Variants in OSBPL9 observed in about 807,000 individuals in gnomAD.
OSBPL9 encodes the protein oxysterol-binding protein-related protein 9.
A neutral mutation model predicts 106.6 loss-of-function variants in OSBPL9; 40 were observed. The observed-to-expected ratio is 0.38, with a 90% confidence interval of 0.29 to 0.49. The LOEUF is 0.49. Among genes scored for constraint, OSBPL9 ranks in the 20% least tolerant of loss-of-function variants. The pLI, the probability that OSBPL9 is intolerant of heterozygous loss-of-function variation, is 0.97. For synonymous variants in OSBPL9, 269 were observed against 295.4 expected, an observed-to-expected ratio of 0.91 and a Z score of 0.92; for missense variants, 609 against 887.2, an observed-to-expected ratio of 0.69 and a Z score of 3.98.
the OSBPL9 span, among the ~76,000 whole-genome samples, chr1:51,542,294 C>T: frequency 1.3e-5 from 2 of 152,198 alleles, no homozygotes; most frequent in African/African-American, 4.8e-5. Context: ...AAAACTGAGG[C>T]TGGGAAGATA....
chr1:51,719,803 C>T (rs1176199115), intron 4 of OSBPL9, among the ~76,000 whole-genome samples: 1 of 152,086 alleles, frequency 6.6e-6, no homozygotes, highest in African/African-American at 2.4e-5. Flanking sequence ...AAGAAAATTT[C>T]AAGTTAAACA....
At chr1:51,594,195 G>A (rs754794371) in intron 1 of OSBPL9, among the ~76,000 whole-genome samples, 41 of 151,870 alleles carry the variant, frequency 2.7e-4, no homozygotes, top group Non-Finnish European at 1.0e-4. Context: ...TCAGGAGTTC[G>A]AGACAAACCT....
chr1:51,728,506 G>C (rs574228688), intron 4 of OSBPL9, among the ~76,000 whole-genome samples: 1 of 152,122 alleles, frequency 6.6e-6, no homozygotes, highest in Non-Finnish European at 1.5e-5. Context: ...TATGGTTTGC[G>C]TATTAGGGTG....
chr1:51,752,785 C>T (rs1283488753), intron 8 of OSBPL9: 1 of 279,524 alleles, frequency 3.6e-6, no homozygotes, highest in African/African-American at 2.2e-5. Flanking sequence ...TTTGGTTTCT[C>T]TTCTTACAAG....
rs1678423532 is a variant in OSBPL9 at position 51,789,183 on chromosome 1, A to G, written c.*1394A>G. ...GTATAACTAACTCCATAAAATACAA[A>G]CAAACACATTTTAAAATACACATTG... On this transcript the variant is annotated 3_prime_UTR_variant, in exon 24 of 24. Coordinates refer to ENST00000428468, the MANE Select transcript of OSBPL9 (RefSeq NM_024586.6). 6.5e-7 allele frequency: 1 copy of G among 1,538,504 alleles called. No homozygotes were observed.
At chr1:51,666,963 A>G (rs1311555094) in intron 2 of OSBPL9, among the ~76,000 whole-genome samples, 1 of 152,234 alleles carries the variant, frequency 6.6e-6, no homozygotes, top group Non-Finnish European at 1.5e-5. Context: ...TTGTTACCAA[A>G]CAAGAAACGA....
At chr1:51,786,226 A>G (rs1677590865) in intron 21 of OSBPL9, 1 of 448,578 alleles carries the variant, frequency 2.2e-6, no homozygotes, top group East Asian at 4.3e-5. Flanking sequence ...ATGAAGCACT[A>G]AACTGTGTGT....
intron 2 of OSBPL9, among the ~76,000 whole-genome samples, chr1:51,660,882 A>C (rs1275886418): frequency 1.3e-5 from 2 of 152,150 alleles, no homozygotes; most frequent in East Asian, 3.8e-4. Flanking sequence ...GTAATTAGTG[A>C]ATATTGTTTA....
chr1:51,763,554 G>A (rs1191419770), intron 11 of OSBPL9, among the ~76,000 whole-genome samples: 1 of 151,962 alleles, frequency 6.6e-6, no homozygotes, highest in Non-Finnish European at 1.5e-5. Context: ...TTTTTTTCCC[G>A]GGTAGGATTT....
the OSBPL9 span, among the ~76,000 whole-genome samples, chr1:51,530,476 G>T: frequency 6.6e-6 from 1 of 152,004 alleles, no homozygotes; most frequent in African/African-American, 2.4e-5. Context: ...AATAAACCAG[G>T]CATGGTGGCT....
At chr1:51,559,691 A>C in the OSBPL9 span, among the ~76,000 whole-genome samples, 1 of 152,216 alleles carries the variant, frequency 6.6e-6, no homozygotes, top group African/African-American at 2.4e-5. Context: ...TTAGTGTCAA[A>C]TACTTTTAAT....
At chr1:51,756,068 C>G (rs555653900) in intron 8 of OSBPL9, among the ~76,000 whole-genome samples, 63 of 152,280 alleles carry the variant, frequency 4.1e-4, no homozygotes, top group African/African-American at 1.5e-3. Context: ...CAGGATATTT[C>G]CACGATGAAC....
intron 3 of OSBPL9, among the ~76,000 whole-genome samples, chr1:51,705,397 A>ATTTATT (rs1396184837): frequency 1.9e-5 from 1 of 52,032 alleles, no homozygotes; most frequent in Admixed American, 2.8e-4. Context: ...ATATATATAT[A>ATTTATT]TATTTTTTTT....
intron 1 of OSBPL9, among the ~76,000 whole-genome samples, chr1:51,591,583 G>A (rs1645275641): frequency 6.6e-6 from 1 of 152,208 alleles, no homozygotes; most frequent in Non-Finnish European, 1.5e-5. Flanking sequence ...AAGGCGGGCA[G>A]ATCACTTGAG....
chr1:51,780,187 G>A (rs1448771350), intron 15 of OSBPL9, among the ~76,000 whole-genome samples: 5 of 150,038 alleles, frequency 3.3e-5, no homozygotes, highest in African/African-American at 1.2e-4. Flanking sequence ...CCTTACTCCT[G>A]CAAGAATGGC....
chr1:51,539,130 A>T, the OSBPL9 span, among the ~76,000 whole-genome samples: 5 of 152,198 alleles, frequency 3.3e-5, no homozygotes, highest in Non-Finnish European at 5.9e-5. Flanking sequence ...CAAAATGTGT[A>T]ACCAACTGTC....
the OSBPL9 span, among the ~76,000 whole-genome samples, chr1:51,542,757 T>G: frequency 6.6e-6 from 1 of 152,226 alleles, no homozygotes; most frequent in Admixed American, 6.5e-5. Context: ...AAGTTCAAAA[T>G]CTAGTAAATA....
intron 8 of OSBPL9, among the ~76,000 whole-genome samples, chr1:51,753,262 G>T (rs543031079): frequency 6.6e-6 from 1 of 152,092 alleles, no homozygotes; most frequent in Non-Finnish European, 1.5e-5. Context: ...TTGAATCCAA[G>T]CCCCACCACT....
chr1:51,611,071 G>T (rs779364112), intron 2 of OSBPL9, among the ~76,000 whole-genome samples: 2 of 152,162 alleles, frequency 1.3e-5, no homozygotes, highest in Non-Finnish European at 2.9e-5. Context: ...AGGGGACACT[G>T]GAAGGAGAAG....
Sources: gnomAD v4.1 joint callset for allele counts (sites outside exome capture counted in the v4.1 genomes callset) on GRCh38, gnomAD v4.1.1 for gene constraint, MANE v1.5 for transcripts, NCBI Gene and HGNC (gene_info 2026-07-23, HGNC 2026-07-21) for gene names.